DMBT1: variants seen among roughly 807,000 people sequenced by gnomAD.
The protein encoded by DMBT1 is deleted in malignant brain tumors 1.
DMBT1 carries 198 observed loss-of-function variants against 252.9 expected under a neutral mutation model. The ratio of observed to expected loss-of-function variants is 0.78; its 90% CI spans 0.70 to 0.88. The LOEUF is 0.88. Among genes scored for constraint, DMBT1 ranks in the 40% least tolerant of loss-of-function variants. DMBT1 has a pLI of 0.00. For missense variants in DMBT1, 2,432 were observed against 2,404.7 expected (o/e 1.01, Z -0.24); for synonymous variants, 990 against 942.7 (o/e 1.05, Z -0.92).
At chr10:122,643,083 G>C (rs767795535) in intron 55 of DMBT1, 39 bp from the exon 56 acceptor site, 11 of 1,598,502 alleles carry the variant, frequency 6.9e-6, no homozygotes, top group Non-Finnish European at 9.4e-6. Flanking sequence ...GGAAGAATCG[G>C]GCCTTGGTGA....
intron 6 of DMBT1, among the ~76,000 whole-genome samples, chr10:122,574,191 T>C (rs1240745399): frequency 1.3e-5 from 2 of 152,226 alleles, no homozygotes; most frequent in African/African-American, 4.8e-5. Context: ...TAAGCCTATA[T>C]TATGCCACCC....
At chr10:122,628,831 A>G (rs1054108704) in intron 46 of DMBT1, among the ~76,000 whole-genome samples, 2 of 152,158 alleles carry the variant, frequency 1.3e-5, no homozygotes, top group Non-Finnish European at 2.9e-5. Flanking sequence ...GGGTGTTGAG[A>G]AGAAATGGGG....
At chr10:122,579,466 A>G in intron 9 of DMBT1, 112 bp from the exon 10 acceptor site, 1 of 1,575,508 alleles carries the variant, frequency 6.3e-7, no homozygotes, top group Non-Finnish European at 8.6e-7. Context: ...TGCAAAGGTG[A>G]CTGCCTGCCT....
chr10:122,579,454 T>C (rs1161285956), intron 9 of DMBT1, 124 bp from the exon 10 acceptor site: 2 of 1,558,018 alleles, frequency 1.3e-6, no homozygotes, highest in African/African-American at 2.7e-5. Context: ...TCTGTGGTCA[T>C]ATGCAAAGGT....
In DMBT1 at chr10:122,584,357, T is replaced by C; in HGVS notation, c.1420+6T>C. 1.9e-6 allele frequency: 1 copy of C among 512,844 alleles called. No individual in the cohort carries two copies. The highest frequency in any genetic ancestry group is 3.3e-6 in the Non-Finnish European group (1 of 301,722). 31.8% of individuals were successfully genotyped at this position (512,844 alleles called of 1,614,324 possible). A position where few individuals can be genotyped will look rare whatever the true frequency, so the allele number is the denominator to read the frequency against. On this transcript the variant is annotated splice_donor_region_variant and intron_variant, in intron 14 of 55. Coordinates refer to ENST00000338354, the MANE Select transcript of DMBT1 (RefSeq NM_001377530.1). ...CTGGTCGACGCCCAGTCCAGGTGAG[T>C]CCCCAGTGTCCTTCCTTGGGATGTC...
At chr10:122,571,356 C>A (rs1036515832) in intron 4 of DMBT1, among the ~76,000 whole-genome samples, 3 of 152,178 alleles carry the variant, frequency 2.0e-5, no homozygotes, top group Admixed American at 6.5e-5. Context: ...AGCATCACGA[C>A]AACCCCTGTC....
At chr10:122,561,800 T>C (rs188572154) in intron 1 of DMBT1, among the ~76,000 whole-genome samples, 4 of 151,782 alleles carry the variant, frequency 2.6e-5, no homozygotes, top group African/African-American at 7.3e-5. Flanking sequence ...GTCTTTCTCA[T>C]CTATCAGGCA....
chr10:122,620,188 A>AT lies in DMBT1; in HGVS notation c.5246-56dup, dbSNP rs201584624. ...TTCATGATGCTTGCCTGGTTCAGAG[A>AT]TTTTTTTTTGTAGCTTTCCTCCCTC... On this transcript the variant is annotated intron_variant, in intron 42 of 55. Coordinates refer to ENST00000338354, the MANE Select transcript of DMBT1 (RefSeq NM_001377530.1). The AT allele has an allele frequency of 3.6e-4, 555 of 1,528,226 alleles. 1 individual carries two copies. Among genetic ancestry groups the AT allele is most frequent in the Middle Eastern group, 5.1e-4 (3 of 5,906 alleles). The allele number at this position is 1,528,226 out of a possible 1,614,324, so 94.7% of individuals were successfully genotyped here.
chr10:122,631,460 C>A (rs972197836), intron 49 of DMBT1, among the ~76,000 whole-genome samples, 179 bp downstream of exon 49: 1 of 152,130 alleles, frequency 6.6e-6, no homozygotes, highest in East Asian at 1.9e-4. Context: ...GTTTCTGGAC[C>A]CAGGGCCATT....
At chr10:122,620,488 C>T (rs1228765233) in intron 43 of DMBT1, among the ~76,000 whole-genome samples, 197 bp downstream of exon 43, 1 of 152,110 alleles carries the variant, frequency 6.6e-6, no homozygotes, top group Non-Finnish European at 1.5e-5. Context: ...GACCTGTCTC[C>T]CCTGGGATTC....
At chr10:122,636,669 G>A (rs906139145) in intron 53 of DMBT1, among the ~76,000 whole-genome samples, 2 of 152,248 alleles carry the variant, frequency 1.3e-5, no homozygotes, top group Non-Finnish European at 2.9e-5. Context: ...GTATGGCCAT[G>A]ATTTGAGTTG....
At chr10:122,621,438 C>A (rs2098067735) in intron 44 of DMBT1, 58 bp downstream of exon 44, 1 of 1,609,458 alleles carries the variant, frequency 6.2e-7, no homozygotes, top group Non-Finnish European at 8.5e-7. Flanking sequence ...CCAGAAGAAA[C>A]TCCTAATTAC....
chr10:122,588,969 G>A lies in DMBT1; in HGVS notation c.1809G>A (p.Arg603=), dbSNP rs2097821479. ...GACCTGAATCCAGTTTGGCCCTGAG[G>A]CTGGTGAATGGAGGTGACAGGTGTC... ...CSGPESSLAL[R]LVNGGDRCQG... Residue 603 remains arginine (R), a synonymous_variant, in exon 17 of 56, where the codon AGG becomes AGA. Transcript: ENST00000338354. 1.3e-6 allele frequency: 2 copies of A among 1,588,334 alleles called. No homozygotes were observed. The highest frequency in any genetic ancestry group is 2.7e-5 in the African/African-American group (2 of 74,656).
intron 1 of DMBT1, among the ~76,000 whole-genome samples, chr10:122,562,972 A>G (rs1218383137): frequency 6.6e-6 from 1 of 152,226 alleles, no homozygotes; most frequent in African/African-American, 2.4e-5. Context: ...TAGCATTCAG[A>G]TGACAGCTCT....
intron 1 of DMBT1, among the ~76,000 whole-genome samples, chr10:122,562,881 A>G (rs2097560496): frequency 6.6e-6 from 1 of 152,220 alleles, no homozygotes; most frequent in South Asian, 2.1e-4. Context: ...GGGGAAACTG[A>G]GGCTCAGAAA....
chr10:122,599,440 G>A (rs146575732), intron 26 of DMBT1, among the ~76,000 whole-genome samples: 91 of 152,306 alleles, frequency 6.0e-4, no homozygotes, highest in African/African-American at 1.9e-3. Context: ...ACAGCAAGGC[G>A]GGGTAGGGAT....
chr10:122,621,165 G>T lies in DMBT1; in HGVS notation c.5393G>T (p.Trp1798Leu). The change falls in exon 44 of 56, where the codon TGG becomes TTG. Residue 1798 changes from tryptophan (W) to leucine (L), a missense_variant. Coordinates refer to ENST00000338354, the MANE Select transcript of DMBT1 (RefSeq NM_001377530.1). ...TGGGGAACCGTGTGTGATGACAGCT[G>T]GGACACCAATGATGCCAATGTGGTC... ...GSWGTVCDDSWDTNDANVVCR... is the reference protein window; with the variant it reads ...GSWGTVCDDSLDTNDANVVCR... 1 of 1,613,918 alleles carries T rather than the reference G, an allele frequency of 6.2e-7. No homozygotes were observed. The highest frequency in any genetic ancestry group is 8.5e-7 in the Non-Finnish European group (1 of 1,179,814).
chr10:122,593,728 G>A lies in DMBT1; in HGVS notation c.2530+130G>A, dbSNP rs868269980. On this transcript the variant is annotated intron_variant, in intron 21 of 55. Transcript: ENST00000338354. Reference sequence around the variant, plus strand: ...GCATATTATTTCCACCCCCAACACCGGCTGTGTAACTGAGACCCCAGCACA... The same window carrying A: ...GCATATTATTTCCACCCCCAACACCAGCTGTGTAACTGAGACCCCAGCACA... The A allele has an allele frequency of 9.7e-5, 127 of 1,302,816 alleles. 5 individuals carry two copies. In the Middle Eastern group the frequency reaches 3.2e-3, roughly 32 times the overall value. The allele number at this position is 1,302,816 out of a possible 1,614,324, so 80.7% of individuals were successfully genotyped here.
At chr10:122,566,469 GC>G (rs2097593646) in intron 2 of DMBT1, among the ~76,000 whole-genome samples, 1 of 151,746 alleles carries the variant, frequency 6.6e-6, no homozygotes, top group African/African-American at 2.4e-5. Flanking sequence ...GCACCACCAC[GC>G]CCAGCTAATT....
Sources: allele counts gnomAD v4.1 joint callset (sites outside exome capture counted in the v4.1 genomes callset), GRCh38; gene constraint gnomAD v4.1.1; transcripts MANE v1.5; gene names NCBI Gene and HGNC (gene_info 2026-07-23, HGNC 2026-07-21).